EPHA6: variants seen among roughly 807,000 people sequenced by gnomAD.
EPHA6 encodes EPH receptor A6.
EPHA6 carries 50 observed loss-of-function variants against 112.0 expected under a neutral mutation model. The observed-to-expected ratio is 0.45, with a 90% CI of 0.36 to 0.56. The LOEUF is 0.56. Ranked by LOEUF, EPHA6 falls within the 20% of genes least tolerant of loss-of-function variation. EPHA6 has a pLI of 0.00. For missense variants in EPHA6, 1,280 were observed against 1,417.4 expected, an observed-to-expected ratio of 0.90 and a Z score of 1.56; for synonymous variants, 529 against 490.7, an observed-to-expected ratio of 1.08 and a Z score of -1.03.
intron 14 of EPHA6, among the ~76,000 whole-genome samples, chr3:97,682,289 G>C (rs937250065): frequency 6.6e-6 from 1 of 152,062 alleles, no homozygotes; most frequent in South Asian, 2.1e-4. Flanking sequence ...CTTTAAACAG[G>C]TTGAAGATGA....
intron 5 of EPHA6, among the ~76,000 whole-genome samples, chr3:97,315,573 A>G (rs2081787159): frequency 6.6e-6 from 1 of 151,676 alleles, no homozygotes; most frequent in Non-Finnish European, 1.5e-5. Flanking sequence ...GAGGCATGTT[A>G]TTTAGATATA....
chr3:97,494,155 C>A (rs1377815161), intron 10 of EPHA6, among the ~76,000 whole-genome samples: 2 of 152,136 alleles, frequency 1.3e-5, no homozygotes, highest in Non-Finnish European at 2.9e-5. Context: ...CATTTTATCA[C>A]AACTTTTATT....
At chr3:97,013,259 G>A (rs1051194743) in intron 3 of EPHA6, among the ~76,000 whole-genome samples, 1 of 151,988 alleles carries the variant, frequency 6.6e-6, no homozygotes, top group African/African-American at 2.4e-5. Context: ...GTTTAAAAAA[G>A]TGTGAGTTAA....
At chr3:97,305,230 A>C (rs1361279337) in intron 5 of EPHA6, among the ~76,000 whole-genome samples, 1 of 151,958 alleles carries the variant, frequency 6.6e-6, no homozygotes, top group Non-Finnish European at 1.5e-5. Context: ...GTCAAGAAAA[A>C]ACATGCTGGT....
At chr3:96,854,143 A>G (rs1489329493) in intron 1 of EPHA6, among the ~76,000 whole-genome samples, 7 of 151,440 alleles carry the variant, frequency 4.6e-5, no homozygotes, top group Non-Finnish European at 1.0e-4. Context: ...ATCTAAAAAA[A>G]GATATATAGA....
intron 10 of EPHA6, among the ~76,000 whole-genome samples, chr3:97,515,447 T>A (rs546675532): frequency 1.5e-3 from 232 of 152,252 alleles, no homozygotes; most frequent in African/African-American, 5.3e-3. Flanking sequence ...GTCACAAAAA[T>A]TTTTTTTATT....
At chr3:97,748,342 A>G (rs2035800273) in intron 17 of EPHA6, among the ~76,000 whole-genome samples, 1 of 152,076 alleles carries the variant, frequency 6.6e-6, no homozygotes, top group Admixed American at 6.6e-5. Flanking sequence ...AACTTTATGT[A>G]TTCTGTGGAT....
At chr3:97,564,838 A>C (rs1263093822) in intron 11 of EPHA6, among the ~76,000 whole-genome samples, 1 of 152,186 alleles carries the variant, frequency 6.6e-6, no homozygotes, top group Admixed American at 6.5e-5. Flanking sequence ...CAATTGCTAC[A>C]TAATCAGAGG....
chr3:97,227,767 A>G (rs994366879), intron 4 of EPHA6, among the ~76,000 whole-genome samples: 27 of 152,178 alleles, frequency 1.8e-4, no homozygotes, highest in Middle Eastern at 3.2e-3. Flanking sequence ...AAAAATGGCC[A>G]TGTTAGCACA....
At chr3:97,433,209 T>A (rs2089624033) in intron 6 of EPHA6, among the ~76,000 whole-genome samples, 1 of 152,162 alleles carries the variant, frequency 6.6e-6, no homozygotes, top group Admixed American at 6.6e-5. Flanking sequence ...GGTATGTAAG[T>A]TAATTGTTGT....
chr3:97,237,080 T>A (rs2078700621), intron 4 of EPHA6, among the ~76,000 whole-genome samples: 2 of 151,944 alleles, frequency 1.3e-5, no homozygotes, highest in African/African-American at 4.8e-5. Flanking sequence ...AAAGGACAGC[T>A]GATTGTTTAG....
At chr3:97,479,964 A>G (rs904586289) in intron 9 of EPHA6, among the ~76,000 whole-genome samples, 2 of 152,134 alleles carry the variant, frequency 1.3e-5, no homozygotes, top group Non-Finnish European at 2.9e-5. Flanking sequence ...CCAAATTGCA[A>G]ACTACTTCAG....
intron 5 of EPHA6, among the ~76,000 whole-genome samples, chr3:97,250,316 T>TA (rs1445409513): frequency 6.6e-6 from 1 of 152,230 alleles, no homozygotes; most frequent in Non-Finnish European, 1.5e-5. Context: ...TCCGTGATCA[T>TA]ACATTGCTAA....
At chr3:97,047,220 G>A (rs1356773411) in intron 3 of EPHA6, among the ~76,000 whole-genome samples, 2 of 151,932 alleles carry the variant, frequency 1.3e-5, no homozygotes, top group Non-Finnish European at 2.9e-5. Context: ...GAAACCAGGG[G>A]CCGGGCACAG....
At chr3:97,344,789 A>G (rs757442733) in intron 5 of EPHA6, among the ~76,000 whole-genome samples, 3 of 152,154 alleles carry the variant, frequency 2.0e-5, no homozygotes, top group Non-Finnish European at 4.4e-5. Context: ...TGCATACTCT[A>G]ATTTGCTAAT....
Position 97,380,756 on chromosome 3 carries a change from G to A in EPHA6, c.1607-24394G>A, listed in dbSNP as rs376598669. Among the ~76,000 whole-genome samples, 5 of 152,068 alleles carry A rather than the reference G, an allele frequency of 3.3e-5. No homozygotes were observed. In the East Asian group the frequency reaches 5.8e-4, roughly 18 times the overall value. ...GAAATAATTACAGTTGATTTATGTA[G>A]CCAAATATCCATCTTAATAATATTG... On this transcript the variant is annotated intron_variant, in intron 5 of 17. Coordinates refer to ENST00000389672, the MANE Select transcript of EPHA6 (RefSeq NM_001080448.3).
chr3:97,211,715 T>G (rs539277007), intron 3 of EPHA6, among the ~76,000 whole-genome samples: 1 of 152,176 alleles, frequency 6.6e-6, no homozygotes, highest in African/African-American at 2.4e-5. Context: ...ACATCAAAAT[T>G]TGGGGGGCAT....
At chr3:96,838,709 C>T (rs2034562546) in intron 1 of EPHA6, among the ~76,000 whole-genome samples, 1 of 151,916 alleles carries the variant, frequency 6.6e-6, no homozygotes, top group Non-Finnish European at 1.5e-5. Context: ...CAAATTTGCA[C>T]TAAAATTCTT....
intron 3 of EPHA6, among the ~76,000 whole-genome samples, chr3:97,012,762 T>C (rs958582166): frequency 3.2e-4 from 49 of 151,584 alleles, no homozygotes; most frequent in African/African-American, 1.1e-3. Flanking sequence ...CTGGACTTAC[T>C]ATTTTTTTGA....
Sources: allele counts gnomAD v4.1 joint callset (sites outside exome capture counted in the v4.1 genomes callset), GRCh38; gene constraint gnomAD v4.1.1; transcripts MANE v1.5; gene names NCBI Gene and HGNC (gene_info 2026-07-23, HGNC 2026-07-21).